The following YEATS2 variants were observed in gnomAD, a reference collection of about 807,000 sequenced individuals.
The protein encoded by YEATS2 is YEATS domain containing 2, also known as YEATS domain-containing protein 2.
In YEATS2, 77 loss-of-function variants were observed where a neutral mutation model predicts 163.2. That is an observed-to-expected ratio of 0.47 (90% confidence interval 0.39 to 0.57). The LOEUF (loss-of-function observed/expected upper bound fraction) is 0.57. YEATS2 is among the 20% of genes least tolerant of loss of function. The probability of loss-of-function intolerance (pLI) is 0.00; values close to 1 mark genes in which losing one functional copy is unlikely to be tolerated. For synonymous variants in YEATS2, 631 were observed against 645.1 expected (o/e 0.98, Z 0.33); for missense variants, 1,549 against 1,729.8 (o/e 0.90, Z 1.85).
chr3:183,810,332 T>TGGC, intron 30 of YEATS2, 143 bp from the exon 31 acceptor site: 1 of 661,798 alleles, frequency 1.5e-6, no homozygotes, highest in Non-Finnish European at 2.7e-6. Flanking sequence ...CACCCCAGAG[T>TGGC]GGCCCTAAGC....
intron 15 of YEATS2, among the ~76,000 whole-genome samples, chr3:183,769,762 A>C (rs969028924): frequency 4.6e-5 from 7 of 152,012 alleles, no homozygotes; most frequent in African/African-American, 7.2e-5. Context: ...GCACGATCTC[A>C]GCTCACTGCA....
intron 7 of YEATS2, among the ~76,000 whole-genome samples, chr3:183,733,619 C>T (rs897500042): frequency 6.6e-6 from 1 of 152,254 alleles, no homozygotes; most frequent in Non-Finnish European, 1.5e-5. Flanking sequence ...AGTAATTTAA[C>T]GAATAAGGGA....
chr3:183,737,661 CTA>C (rs1343823113), intron 8 of YEATS2, among the ~76,000 whole-genome samples: 9 of 152,282 alleles, frequency 5.9e-5, no homozygotes, highest in African/African-American at 2.2e-4. Context: ...TGATAAAGTA[CTA>C]TACAAGATTA....
At chr3:183,719,830 G>A (rs927635685) in intron 4 of YEATS2, among the ~76,000 whole-genome samples, 7 of 152,100 alleles carry the variant, frequency 4.6e-5, no homozygotes, top group African/African-American at 1.7e-4. Flanking sequence ...TCCTGCCTCA[G>A]CCTCCTGAGT....
At chr3:183,749,591 C>T (rs903059760) in intron 9 of YEATS2, among the ~76,000 whole-genome samples, 13 of 152,088 alleles carry the variant, frequency 8.5e-5, no homozygotes, top group Non-Finnish European at 1.8e-4. Flanking sequence ...CAGATTTCAT[C>T]CATGTTGTAG....
intron 21 of YEATS2, chr3:183,793,612 T>TC (rs1483236049): frequency 6.0e-5 from 13 of 217,918 alleles, no homozygotes; most frequent in South Asian, 3.3e-4. Context: ...TTTCTTTCTT[T>TC]TTTTTTTTTT....
intron 10 of YEATS2, among the ~76,000 whole-genome samples, chr3:183,753,577 G>A (rs575068468): frequency 2.0e-5 from 3 of 152,142 alleles, no homozygotes; most frequent in South Asian, 2.1e-4. Flanking sequence ...GCAAAACCCC[G>A]TCTCTACTAA....
At chr3:183,768,748 A>G (rs1722160985) in intron 15 of YEATS2, among the ~76,000 whole-genome samples, 1 of 152,120 alleles carries the variant, frequency 6.6e-6, no homozygotes. Flanking sequence ...CGAGACAGGT[A>G]GATCGCCTGA....
intron 17 of YEATS2, among the ~76,000 whole-genome samples, chr3:183,774,814 C>G (rs1722807310): frequency 6.6e-6 from 1 of 152,150 alleles, no homozygotes; most frequent in Admixed American, 6.5e-5. Context: ...TGTGTCAGTT[C>G]CACTCTCACT....
At position 183,721,962 on chromosome 3, in the gene YEATS2, G is replaced by A; in HGVS notation, c.363G>A (p.Arg121=). The part of the protein sequence containing the change: ...AIKKFLESPS[R]SSSPANQRAE... ...AGAAATTTTTGGAATCACCATCTAG[G>A]TCATCATCTCCTGCCAATCAGAGAG... The change falls in exon 5 of 31, where the codon AGG becomes AGA. Residue 121 remains arginine, a synonymous_variant. Coordinates refer to ENST00000305135, the MANE Select transcript of YEATS2 (RefSeq NM_018023.5). 1 of 1,614,078 alleles carries A rather than the reference G, an allele frequency of 6.2e-7. No individual in the cohort carries two copies. Among genetic ancestry groups the A allele is most frequent in the Non-Finnish European group, 8.5e-7 (1 of 1,180,008 alleles).
chr3:183,706,068 T>C (rs975141624), intron 1 of YEATS2, among the ~76,000 whole-genome samples: 2 of 151,930 alleles, frequency 1.3e-5, no homozygotes, highest in Non-Finnish European at 2.9e-5. Flanking sequence ...CATTTATTTT[T>C]CCAGATAGTA....
chr3:183,754,813 C>G (rs1413649890), intron 11 of YEATS2, among the ~76,000 whole-genome samples: 1 of 152,188 alleles, frequency 6.6e-6, no homozygotes, highest in Non-Finnish European at 1.5e-5. Flanking sequence ...GAAAATTATT[C>G]ATTCCTATTG....
intron 1 of YEATS2, among the ~76,000 whole-genome samples, chr3:183,700,514 C>G (rs1043842500): frequency 6.6e-6 from 1 of 151,970 alleles, no homozygotes; most frequent in Admixed American, 6.6e-5. Flanking sequence ...TCGTGATACC[C>G]AGTAGATGGT....
rs550890488 is a variant in YEATS2 at position 183,762,740 on chromosome 3, T to C, written c.1947+461T>C. ...ATTTGGAGGTACAGGAGAATTAATG[T>C]ATTGAGAGAATTTTAAAATAGCACA... On this transcript the variant is annotated intron_variant, in intron 15 of 30. Transcript: ENST00000305135. Among the ~76,000 whole-genome samples, 8 of 152,030 alleles carry C rather than the reference T, an allele frequency of 5.3e-5. No homozygotes were observed. The East Asian group carries it at 1.5e-3, about 29-fold the overall frequency.
chr3:183,798,896 C>T lies in YEATS2; in HGVS notation c.3232C>T (p.Gln1078Ter), dbSNP rs767217912. 2 of 1,612,640 alleles carry T rather than the reference C, an allele frequency of 1.2e-6. No homozygotes were observed. Among genetic ancestry groups the T allele is most frequent in the Admixed American group, 3.3e-5 (2 of 59,996 alleles). The change falls in exon 23 of 31, where the codon CAG (glutamine) becomes TAG (stop). Residue 1078 changes from glutamine to a stop codon, truncating the protein, a stop_gained. Transcript: ENST00000305135. LOFTEE classifies it high-confidence loss of function. ...TILMPVNKVV[Q>*]SFSTSKPPAI... is the part of the protein sequence containing the mutation. ...CCCTCCTTTTTTCCCTTTAGTGGTT[C>T]AGTCATTTTCTACCAGCAAGCCACC...
intron 9 of YEATS2, among the ~76,000 whole-genome samples, chr3:183,750,285 A>G (rs534098385): frequency 1.3e-5 from 2 of 152,264 alleles, no homozygotes; most frequent in East Asian, 1.9e-4. Flanking sequence ...GCTGAATAAT[A>G]CTGCATTGTA....
At chr3:183,805,079 A>C (rs977157731) in intron 27 of YEATS2, among the ~76,000 whole-genome samples, 5 of 150,494 alleles carry the variant, frequency 3.3e-5, no homozygotes, top group Admixed American at 3.3e-4. Context: ...TAGGCAGAAG[A>C]AGCATTTTGA....
At position 183,800,579 on chromosome 3, in the gene YEATS2, C is replaced by T. The variant is rs1725575574; in HGVS notation, c.3428+11C>T. ...AAACTATGTCATTAAGTAATTCTTC[C>T]AATCTTTCCTAAAGGAATTCCGCTT... On this transcript the variant is annotated intron_variant, in intron 24 of 30. Coordinates refer to ENST00000305135, the MANE Select transcript of YEATS2 (RefSeq NM_018023.5). The T allele has an allele frequency of 2.5e-6, 4 of 1,608,248 alleles. No individual in the cohort carries two copies. In the East Asian group the frequency reaches 6.7e-5, roughly 27 times the overall value.
Position 183,812,016 on chromosome 3 carries a change from C to A in YEATS2, c.*1433C>A, listed in dbSNP as rs1726849030. 2 of 152,116 alleles carry A rather than the reference C, an allele frequency of 1.3e-5. No individual in the cohort carries two copies. The highest frequency in any genetic ancestry group is 1.3e-4 in the Admixed American group (2 of 15,258). 9.4% of individuals were successfully genotyped at this position (152,116 alleles called of 1,614,324 possible). ...TGGGAGGTCGAGGTGGGTGGGTCAC[C>A]TGAGGTTGGGAGTTCGAGACCAGCC... On this transcript the variant is annotated 3_prime_UTR_variant, in exon 31 of 31. Coordinates refer to ENST00000305135, the MANE Select transcript of YEATS2 (RefSeq NM_018023.5).
Sources: allele counts gnomAD v4.1 joint callset (sites outside exome capture counted in the v4.1 genomes callset), GRCh38; gene constraint gnomAD v4.1.1; transcripts MANE v1.5; gene names NCBI Gene and HGNC (gene_info 2026-07-23, HGNC 2026-07-21).